The following WNT5A variants were observed in gnomAD, a reference collection of about 807,000 sequenced individuals.
WNT5A encodes Wnt family member 5A.
Under a neutral mutation model 42.1 loss-of-function variants are expected in WNT5A, and 9 were observed. The ratio of observed to expected loss-of-function variants is 0.21; its 90% CI spans 0.13 to 0.37. WNT5A has a LOEUF of 0.37. Among genes scored for constraint, WNT5A ranks in the 10% least tolerant of loss-of-function variants. WNT5A has a pLI of 1.00. For synonymous variants in WNT5A, 210 were observed against 210.0 expected, an observed-to-expected ratio of 1.00 and a Z score of 0.00; for missense variants, 426 against 534.0, an observed-to-expected ratio of 0.80 and a Z score of 1.99.
Position 55,469,931 on chromosome 3 carries a change from T to TA in WNT5A, c.*160dup. On this transcript the variant is annotated 3_prime_UTR_variant, in exon 5 of 5. Coordinates refer to ENST00000264634, the MANE Select transcript of WNT5A (RefSeq NM_003392.7). ...CAAATAATAATTATAATATTAATAA[T>TA]AAACCACAGAGTTCTTAGATGGTAA... 1 of 677,792 alleles carries TA rather than the reference T, an allele frequency of 1.5e-6. No homozygotes were observed. The highest frequency in any genetic ancestry group is 2.4e-6 in the Non-Finnish European group (1 of 410,392). 42.0% of individuals were successfully genotyped at this position (677,792 alleles called of 1,614,324 possible). A position where few individuals can be genotyped will look rare whatever the true frequency, so the allele number is the denominator to read the frequency against.
rs769500757 is a variant in WNT5A at position 55,479,518 on chromosome 3, T to C, written c.187A>G (p.Ile63Val). The C allele has an allele frequency of 3.1e-6, 5 of 1,613,810 alleles. No individual in the cohort carries two copies. Among genetic ancestry groups the C allele is most frequent in the Non-Finnish European group, 4.2e-6 (5 of 1,179,756 alleles). Reference sequence around the variant, plus strand: ...TGGCTGCAGAGAGGCTGTGCTCCTATAATATATACTTCTGACATCTGAACA... The same window carrying C: ...TGGCTGCAGAGAGGCTGTGCTCCTACAATATATACTTCTGACATCTGAACA... ...NPVQMSEVYI[I>V]GAQPLCSQLA... is the part of the protein sequence containing the mutation. Residue 63 changes from isoleucine to valine, a missense_variant, in exon 3 of 5, where the codon ATA (isoleucine) becomes GTA (valine). Physicochemically the swap from Ile to Val is conservative, Grantham distance 29. Transcript: ENST00000264634.
Position 55,468,651 on chromosome 3 carries a change from T to C in WNT5A, c.*1441A>G, listed in dbSNP as rs921264218. On this transcript the variant is annotated 3_prime_UTR_variant, in exon 5 of 5. Coordinates refer to ENST00000264634, the MANE Select transcript of WNT5A (RefSeq NM_003392.7). ...ATTTATATTTATATTTATATATATGTATATATATATATATGTTATGTACAA... is the reference window on the plus strand; with the variant it reads ...ATTTATATTTATATTTATATATATGCATATATATATATATGTTATGTACAA... 2.0e-5 allele frequency: 3 copies of C among 146,870 alleles called. No homozygotes were observed. Among genetic ancestry groups the C allele is most frequent in the Non-Finnish European group, 4.5e-5 (3 of 66,614 alleles). 9.1% of individuals were successfully genotyped at this position (146,870 alleles called of 1,614,324 possible). A position where few individuals can be genotyped will look rare whatever the true frequency, so the allele number is the denominator to read the frequency against.
At chr3:55,474,009 G>C (rs1191177056) in intron 4 of WNT5A, among the ~76,000 whole-genome samples, 1 of 152,186 alleles carries the variant, frequency 6.6e-6, no homozygotes, top group Non-Finnish European at 1.5e-5. Flanking sequence ...GATCCGCCCA[G>C]GAGGCCCTTC....
upstream of WNT5A, among the ~76,000 whole-genome samples, chr3:55,490,969 C>T (rs1221822692): frequency 1.3e-5 from 2 of 152,132 alleles, no homozygotes; most frequent in Non-Finnish European, 2.9e-5. Flanking sequence ...AATTAGTGTG[C>T]TGAGATTATG....
intron 3 of WNT5A, among the ~76,000 whole-genome samples, chr3:55,476,817 T>C (rs148619206): frequency 1.5e-3 from 227 of 152,278 alleles, no homozygotes; most frequent in Admixed American, 2.2e-3. Flanking sequence ...CCACATCTAC[T>C]CCGATCCTCA....
At chr3:55,482,045 C>T (rs778071756) in intron 1 of WNT5A, among the ~76,000 whole-genome samples, 14 of 152,238 alleles carry the variant, frequency 9.2e-5, no homozygotes, top group Non-Finnish European at 1.6e-4. Context: ...GCCACCCTGC[C>T]TCCAGTCTAG....
At chr3:55,493,814 T>C (rs2051687339), upstream of WNT5A, 1 of 152,272 alleles carries the variant, frequency 6.6e-6, no homozygotes, top group South Asian at 2.1e-4. Context: ...GTCCCCACTT[T>C]TTCCCTTGGC....
At chr3:55,474,690 C>CGGGGGT (rs1441195147) in intron 3 of WNT5A, 61 bp from the exon 4 acceptor site, 1 of 209,748 alleles carries the variant, frequency 4.8e-6, no homozygotes, top group Non-Finnish European at 6.0e-6. Flanking sequence ...GGGATGCTGC[C>CGGGGGT]GGGGGTGGGG....
chr3:55,497,120 C>T, the WNT5A span, among the ~76,000 whole-genome samples: 1 of 152,230 alleles, frequency 6.6e-6, no homozygotes, highest in African/African-American at 2.4e-5. Flanking sequence ...TTACTGAGCA[C>T]TTGCTGAGTG....
chr3:55,474,221 C>T, intron 4 of WNT5A, 116 bp downstream of exon 4: 9 of 1,298,446 alleles, frequency 6.9e-6, no homozygotes, highest in South Asian at 1.3e-5. Flanking sequence ...AGAGACAGGA[C>T]CATATAGCAA....
At position 55,466,958 on chromosome 3, in the gene WNT5A, A is replaced by G. The variant is rs530678665; in HGVS notation, c.*3134T>C. 3.3e-5 allele frequency: 5 copies of G among 152,428 alleles called. No individual in the cohort carries two copies. The highest frequency in any genetic ancestry group is 1.2e-4 in the African/African-American group (5 of 41,582). The allele number at this position is 152,428 out of a possible 1,614,324, so 9.4% of individuals were successfully genotyped here. On this transcript the variant is annotated 3_prime_UTR_variant, in exon 5 of 5. Transcript: ENST00000264634. ...TCCGGAAAGAGAAAAAGCAAAGGCT[A>G]ATGTATCAATCTGTGGAGCACTGTC... is the stretch of plus-strand genomic sequence containing the variant.
upstream of WNT5A, among the ~76,000 whole-genome samples, chr3:55,490,872 C>G (rs1403337238): frequency 6.6e-6 from 1 of 152,166 alleles, no homozygotes. Context: ...TAGCAATATG[C>G]CCCATTTTAT....
At chr3:55,484,573 G>A (rs934447544) in intron 1 of WNT5A, among the ~76,000 whole-genome samples, 1 of 152,136 alleles carries the variant, frequency 6.6e-6, no homozygotes, top group African/African-American at 2.4e-5. Flanking sequence ...ACTGACAGCA[G>A]GTTCCAGGTT....
intron 1 of WNT5A, 146 bp from the exon 2 acceptor site, chr3:55,481,064 T>C: frequency 1.1e-6 from 1 of 890,960 alleles, no homozygotes; most frequent in Non-Finnish European, 1.5e-6. Context: ...GATGGCAAGA[T>C]ATAGGCAGTT....
the WNT5A span, among the ~76,000 whole-genome samples, chr3:55,498,261 T>C: frequency 1.3e-5 from 2 of 152,204 alleles, no homozygotes; most frequent in Non-Finnish European, 2.9e-5. Context: ...TTCAGGGACT[T>C]GATTTCCAGG....
chr3:55,489,530 G>T (rs1006895299), upstream of WNT5A, among the ~76,000 whole-genome samples: 5 of 150,668 alleles, frequency 3.3e-5, no homozygotes, highest in Non-Finnish European at 7.4e-5. Context: ...TTTCCTAGCC[G>T]ACTGGACCCT....
Position 55,487,277 on chromosome 3 carries a change from C to G in WNT5A, c.-292G>C, listed in dbSNP as rs748087732. On this transcript the variant is annotated 5_prime_UTR_variant, in exon 1 of 5. Coordinates refer to ENST00000264634, the MANE Select transcript of WNT5A (RefSeq NM_003392.7). ...GGTCGGGGCGCAACTAGGGAGCCGC[C>G]GGTCCGGCGAGGGCGCGCAGGCAAC... 4.3e-4 allele frequency: 186 copies of G among 429,748 alleles called. No homozygotes were observed. The highest frequency in any genetic ancestry group is 6.7e-4 in the Non-Finnish European group (165 of 245,616). The allele number at this position is 429,748 out of a possible 1,614,324, so 26.6% of individuals were successfully genotyped here.
At chr3:55,493,482 C>A (rs1458718255), upstream of WNT5A, among the ~76,000 whole-genome samples, 1 of 152,182 alleles carries the variant, frequency 6.6e-6, no homozygotes, top group African/African-American at 2.4e-5. Flanking sequence ...ATTGTCTTAT[C>A]CTGATCTAAA....
the WNT5A span, among the ~76,000 whole-genome samples, chr3:55,495,787 G>A: frequency 6.6e-6 from 1 of 152,022 alleles, no homozygotes. Context: ...TTTCATAATG[G>A]CTGTATTAAT....
Sources: gnomAD v4.1 joint callset for allele counts (sites outside exome capture counted in the v4.1 genomes callset) on GRCh38, gnomAD v4.1.1 for gene constraint, MANE v1.5 for transcripts, NCBI Gene and HGNC (gene_info 2026-07-23, HGNC 2026-07-21) for gene names.